Variants in SUCLG2 observed in about 807,000 individuals in gnomAD.
The protein encoded by SUCLG2 is succinate-CoA ligase GDP-forming subunit beta.
In SUCLG2, 42 loss-of-function variants were observed where a neutral mutation model predicts 47.9. The observed-to-expected ratio is 0.88, with a 90% CI of 0.69 to 1.14. The LOEUF is 1.14. SUCLG2 is among the 50% of genes most tolerant of loss of function. The probability of loss-of-function intolerance (pLI) is 0.00; values close to 1 mark genes in which losing one functional copy is unlikely to be tolerated. For missense variants in SUCLG2, 571 were observed against 525.9 expected, an observed-to-expected ratio of 1.09 and a Z score of -0.84; for synonymous variants, 195 against 197.3, an observed-to-expected ratio of 0.99 and a Z score of 0.10.
At chr3:67,380,402 A>G (rs72916793) in intron 10 of SUCLG2, among the ~76,000 whole-genome samples, 12,611 of 152,100 alleles carry the variant, frequency 0.083, 782 homozygotes, top group South Asian at 0.17. Context: ...GCAGTTTCCC[A>G]GAAAACCACA....
chr3:67,543,586 G>A (rs1706777757), intron 2 of SUCLG2, among the ~76,000 whole-genome samples: 1 of 152,132 alleles, frequency 6.6e-6, no homozygotes, highest in African/African-American at 2.4e-5. Context: ...GATCCCTTGA[G>A]CCCAGGAGGT....
intron 2 of SUCLG2, among the ~76,000 whole-genome samples, chr3:67,532,721 T>C (rs1317780342): frequency 6.6e-6 from 1 of 152,220 alleles, no homozygotes; most frequent in East Asian, 1.9e-4. Context: ...CTTATAAATA[T>C]GTAAGACTCT....
chr3:67,378,145 G>T (rs1178761556), intron 10 of SUCLG2, among the ~76,000 whole-genome samples: 1 of 152,330 alleles, frequency 6.6e-6, no homozygotes, highest in Admixed American at 6.5e-5. Context: ...ACTAACATAT[G>T]ACTTTGTAAA....
chr3:67,616,249 G>C (rs1700626562), intron 1 of SUCLG2, among the ~76,000 whole-genome samples: 2 of 152,058 alleles, frequency 1.3e-5, no homozygotes, highest in South Asian at 4.1e-4. Flanking sequence ...TGAGATCTTA[G>C]GAATAACTCA....
At chr3:67,622,063 G>A (rs1389536125) in intron 1 of SUCLG2, among the ~76,000 whole-genome samples, 3 of 152,128 alleles carry the variant, frequency 2.0e-5, no homozygotes, top group Non-Finnish European at 4.4e-5. Flanking sequence ...TCTCCTAGGA[G>A]AGAACACAAG....
At chr3:67,392,277 C>A (rs77704200) in intron 10 of SUCLG2, among the ~76,000 whole-genome samples, 14,034 of 152,226 alleles carry the variant, frequency 0.092, 703 homozygotes, top group Middle Eastern at 0.15. Context: ...CCCTGCAGAA[C>A]CCCCTTGCTC....
intron 9 of SUCLG2, among the ~76,000 whole-genome samples, chr3:67,451,246 T>C (rs1704048978): frequency 6.6e-6 from 1 of 152,226 alleles, no homozygotes; most frequent in African/African-American, 2.4e-5. Context: ...CAAACTTTAC[T>C]CATCTGTTTA....
At chr3:67,523,076 C>T (rs761295463) in intron 4 of SUCLG2, among the ~76,000 whole-genome samples, 4 of 152,100 alleles carry the variant, frequency 2.6e-5, no homozygotes, top group Non-Finnish European at 4.4e-5. Flanking sequence ...TGTGAGCCAA[C>T]GCACCCGGCC....
chr3:67,618,830 A>G (rs1350491586), intron 1 of SUCLG2, among the ~76,000 whole-genome samples: 4 of 152,200 alleles, frequency 2.6e-5, no homozygotes, highest in African/African-American at 4.8e-5. Context: ...GAAGGGATGT[A>G]AAACTTAATT....
chr3:67,584,937 CAT>C (rs1302286687), intron 2 of SUCLG2, among the ~76,000 whole-genome samples: 1 of 152,126 alleles, frequency 6.6e-6, no homozygotes, highest in Non-Finnish European at 1.5e-5. Flanking sequence ...CCCCAAGACA[CAT>C]GAGGATTATG....
intron 1 of SUCLG2, among the ~76,000 whole-genome samples, chr3:67,632,402 T>C (rs1178834900): frequency 6.6e-6 from 1 of 152,104 alleles, no homozygotes; most frequent in Non-Finnish European, 1.5e-5. Flanking sequence ...AGACTGGTCT[T>C]GAATGGGTGA....
intron 9 of SUCLG2, among the ~76,000 whole-genome samples, chr3:67,402,552 G>C (rs1488138938): frequency 6.6e-6 from 1 of 152,218 alleles, no homozygotes; most frequent in Non-Finnish European, 1.5e-5. Context: ...AATGCTGTTA[G>C]CATTGAGGCT....
intron 9 of SUCLG2, 63 bp downstream of exon 9, chr3:67,495,735 G>A (rs942649219): frequency 2.5e-6 from 4 of 1,590,424 alleles, no homozygotes; most frequent in African/African-American, 2.7e-5. Context: ...GGAAGAACAA[G>A]TGAGCTCTTG....
intron 10 of SUCLG2, among the ~76,000 whole-genome samples, chr3:67,399,052 A>G (rs1702621519): frequency 6.6e-6 from 1 of 150,716 alleles, no homozygotes; most frequent in South Asian, 2.1e-4. Flanking sequence ...GGATAGCATT[A>G]GGAGATATAC....
At chr3:67,422,002 A>G (rs1703170072) in intron 9 of SUCLG2, among the ~76,000 whole-genome samples, 1 of 152,222 alleles carries the variant, frequency 6.6e-6, no homozygotes, top group South Asian at 2.1e-4. Flanking sequence ...CCACATGTAT[A>G]TAGTACAGTC....
chr3:67,566,811 AAT>A (rs1195788128), intron 2 of SUCLG2, among the ~76,000 whole-genome samples: 11 of 152,218 alleles, frequency 7.2e-5, no homozygotes, highest in African/African-American at 2.7e-4. Flanking sequence ...ATTAAAGATT[AAT>A]AGTTTCCTTT....
chr3:67,398,302 A>G (rs976624224), intron 10 of SUCLG2, among the ~76,000 whole-genome samples: 4 of 150,972 alleles, frequency 2.6e-5, no homozygotes, highest in African/African-American at 4.9e-5. Context: ...AGAATCTACA[A>G]TGAACTCAAA....
intron 1 of SUCLG2, among the ~76,000 whole-genome samples, chr3:67,614,702 C>G (rs1230584708): frequency 6.6e-6 from 1 of 151,962 alleles, no homozygotes; most frequent in African/African-American, 2.4e-5. Flanking sequence ...GAGAAGTTTC[C>G]CAGTTAGTCA....
At chr3:67,610,674 A>C (rs1001200699) in intron 1 of SUCLG2, among the ~76,000 whole-genome samples, 2 of 152,188 alleles carry the variant, frequency 1.3e-5, no homozygotes, top group Admixed American at 6.5e-5. Flanking sequence ...CTGGTAGTAC[A>C]TGGACATCAT....
Sources: gnomAD v4.1 joint callset for allele counts (sites outside exome capture counted in the v4.1 genomes callset) on GRCh38, gnomAD v4.1.1 for gene constraint, MANE v1.5 for transcripts, NCBI Gene and HGNC (gene_info 2026-07-23, HGNC 2026-07-21) for gene names.